Variants in GRK4 observed in about 807,000 individuals in gnomAD.
The protein encoded by GRK4 is G protein-coupled receptor kinase 2-like.
A neutral mutation model predicts 77.9 loss-of-function variants in GRK4; 73 were observed. The observed-to-expected ratio is 0.94, with a 90% CI of 0.78 to 1.14. The LOEUF is 1.14. Among genes scored for constraint, GRK4 ranks in the 50% most tolerant of loss-of-function variants. The probability of loss-of-function intolerance (pLI) is 0.00; values close to 1 mark genes in which losing one functional copy is unlikely to be tolerated. For synonymous variants in GRK4, 257 were observed against 254.4 expected, an observed-to-expected ratio of 1.01 and a Z score of -0.10; for missense variants, 729 against 700.2, an observed-to-expected ratio of 1.04 and a Z score of -0.46.
chr4:3,003,229 G>T (rs12512648), intron 4 of GRK4, among the ~76,000 whole-genome samples: 1 of 152,046 alleles, frequency 6.6e-6, no homozygotes, highest in Non-Finnish European at 1.5e-5. Flanking sequence ...TCGCTCTGTC[G>T]TCCAGGCTGG....
intron 3 of GRK4, among the ~76,000 whole-genome samples, chr4:2,991,712 A>G (rs934919540): frequency 2.0e-5 from 3 of 151,782 alleles, no homozygotes; most frequent in African/African-American, 7.3e-5. Flanking sequence ...GGTTTTCACT[A>G]TGTTGGCCAG....
At chr4:3,000,554 C>CTTTTT (rs775660909) in intron 4 of GRK4, among the ~76,000 whole-genome samples, 4 of 110,490 alleles carry the variant, frequency 3.6e-5, no homozygotes, top group Non-Finnish European at 5.6e-5. Flanking sequence ...TTTTTCTTTT[C>CTTTTT]TTTTCTTTTC....
intron 2 of GRK4, among the ~76,000 whole-genome samples, chr4:2,985,154 TGTAATCCCGGCACTTTGGGA>T (rs1203738407): frequency 2.0e-5 from 3 of 151,502 alleles, no homozygotes; most frequent in Non-Finnish European, 4.4e-5. Flanking sequence ...GGCTCACGCC[TGTAATCCCGGCACTTTGGGA>T]GGCCGAGGTG....
chr4:3,010,122 A>G (rs1218495549), intron 7 of GRK4, among the ~76,000 whole-genome samples: 1 of 152,220 alleles, frequency 6.6e-6, no homozygotes, highest in Non-Finnish European at 1.5e-5. Context: ...TTGGACACGT[A>G]TGTACCTCAT....
chr4:3,009,945 G>GT (rs960929306), intron 7 of GRK4, among the ~76,000 whole-genome samples: 11 of 152,192 alleles, frequency 7.2e-5, no homozygotes, highest in African/African-American at 2.7e-4. Flanking sequence ...GAAGAAGCTG[G>GT]TTTCCATGCT....
chr4:2,986,790 A>T (rs537159455), intron 2 of GRK4: 1 of 313,966 alleles, frequency 3.2e-6, no homozygotes, highest in East Asian at 9.9e-5. Flanking sequence ...TTACAAACCA[A>T]TCCATCTTTC....
Position 3,001,089 on chromosome 4 carries a change from A to ATATATATATATATATATATATATGTGTG in GRK4, c.340-3141_340-3140insATATATATATATATATATATATGTGTGT. On this transcript the variant is annotated intron_variant, in intron 4 of 15. Coordinates refer to ENST00000398052, the MANE Select transcript of GRK4 (RefSeq NM_182982.3). The stretch of plus-strand genomic sequence containing the variant: ...TAAATGAGACTATATATATATATAT[A>ATATATATATATATATATATATATGTGTG]TGTGTGTGTGTGTGTGTATATATAT... Among the ~76,000 whole-genome samples, 7 of 82,432 alleles carry ATATATATATATATATATATATATGTGTG rather than the reference A, an allele frequency of 8.5e-5. 2 individuals are homozygous for ATATATATATATATATATATATATGTGTG. Among genetic ancestry groups the ATATATATATATATATATATATATGTGTG allele is most frequent in the African/African-American group, 4.1e-4 (7 of 17,214 alleles). The allele number at this position is 82,432 out of a possible 152,430, so 54.1% of individuals were successfully genotyped here.
chr4:3,007,829 G>A lies in GRK4; in HGVS notation c.536+1G>A. The stretch of plus-strand genomic sequence containing the variant: ...TTTTACAATGGAAATGGCTGGAAAG[G>A]TATGTACTGATTTTAAACTTGATAA... On this transcript the variant is annotated splice_donor_variant, in intron 6 of 15. Coordinates refer to ENST00000398052, the MANE Select transcript of GRK4 (RefSeq NM_182982.3). LOFTEE classifies it high-confidence loss of function. 6.2e-7 allele frequency: 1 copy of A among 1,601,520 alleles called. No individual in the cohort carries two copies. The highest frequency in any genetic ancestry group is 2.2e-5 in the East Asian group (1 of 44,652).
chr4:2,996,252 G>A (rs1411873497), intron 4 of GRK4, among the ~76,000 whole-genome samples: 1 of 152,076 alleles, frequency 6.6e-6, no homozygotes, highest in African/African-American at 2.4e-5. Context: ...CATGAAGGTG[G>A]AACCTCTTAA....
chr4:3,010,210 G>T (rs1195666019), intron 7 of GRK4, among the ~76,000 whole-genome samples: 1 of 151,444 alleles, frequency 6.6e-6, no homozygotes, highest in Non-Finnish European at 1.5e-5. Flanking sequence ...CACGAGGGGT[G>T]TTTTTTTTGT....
intron 12 of GRK4, among the ~76,000 whole-genome samples, 192 bp from the exon 13 acceptor site, chr4:3,035,194 G>A (rs1034181513): frequency 5.9e-5 from 9 of 151,712 alleles, no homozygotes; most frequent in African/African-American, 1.2e-4. Context: ...GCAGTGAGCC[G>A]AGATCGCACC....
At chr4:2,971,793 G>A (rs771938027) in intron 1 of GRK4, among the ~76,000 whole-genome samples, 4 of 152,164 alleles carry the variant, frequency 2.6e-5, no homozygotes, top group Admixed American at 6.6e-5. Context: ...CTGCTGGCTC[G>A]CTGGCAGTCT....
chr4:3,015,383 G>C (rs1734134912), intron 8 of GRK4, among the ~76,000 whole-genome samples: 1 of 152,224 alleles, frequency 6.6e-6, no homozygotes, highest in South Asian at 2.1e-4. Flanking sequence ...GCCAGCATCT[G>C]AATTTAATAG....
chr4:2,985,984 CAAAAAAAAAAA>C (rs1181104072), intron 2 of GRK4, among the ~76,000 whole-genome samples: 1 of 91,698 alleles, frequency 1.1e-5, no homozygotes, highest in Non-Finnish European at 2.3e-5. Context: ...GACTCCGTCT[CAAAAAAAAAAA>C]AAAAAAAAAG....
intron 14 of GRK4, among the ~76,000 whole-genome samples, chr4:3,037,791 T>C (rs1346635532): frequency 1.3e-5 from 2 of 152,014 alleles, no homozygotes; most frequent in Non-Finnish European, 2.9e-5. Flanking sequence ...GGCAGGCACC[T>C]GTAGTCCCAG....
chr4:3,004,469 G>A lies in GRK4; in HGVS notation c.443+135G>A, dbSNP rs546849371. Reference sequence around the variant, plus strand: ...CTTGAACAACATGGGCATTAGGGACGCTGACACCACCCAACCTTCTGCGCA... The same window carrying A: ...CTTGAACAACATGGGCATTAGGGACACTGACACCACCCAACCTTCTGCGCA... On this transcript the variant is annotated intron_variant, in intron 5 of 15. Coordinates refer to ENST00000398052, the MANE Select transcript of GRK4 (RefSeq NM_182982.3). 3.0e-4 allele frequency: 165 copies of A among 554,188 alleles called. 1 individual carries two copies. The highest frequency in any genetic ancestry group is 3.1e-4 in the Middle Eastern group (1 of 3,246). The allele number at this position is 554,188 out of a possible 1,614,324, so 34.3% of individuals were successfully genotyped here.
rs149402470 is a variant in GRK4, at chr4:2,997,558, G to A, written c.339+5266G>A. 2.0e-3 allele frequency among the ~76,000 whole-genome samples: 297 copies of A among 152,240 alleles called. 1 individual carries two copies. Among genetic ancestry groups the A allele is most frequent in the African/African-American group, 6.8e-3 (281 of 41,532 alleles). Reference sequence around the variant, plus strand: ...AATAGAGAGAGAGAGACGTTTATGGGCTGCTCAGCCTGATAAATGATATCT... The same window carrying A: ...AATAGAGAGAGAGAGACGTTTATGGACTGCTCAGCCTGATAAATGATATCT... On this transcript the variant is annotated intron_variant, in intron 4 of 15. Coordinates refer to ENST00000398052, the MANE Select transcript of GRK4 (RefSeq NM_182982.3).
Position 3,035,434 on chromosome 4 carries a change from G to A in GRK4, c.1318G>A (p.Ala440Thr), listed in dbSNP as rs1221588091. 2 of 1,613,956 alleles carry A rather than the reference G, an allele frequency of 1.2e-6. No homozygotes were observed. The highest frequency in any genetic ancestry group is 1.7e-6 in the Non-Finnish European group (2 of 1,179,970). Residue 440 changes from alanine (A) to threonine (T), a missense_variant, in exon 13 of 16, where the codon GCG (alanine) becomes ACG (threonine). Physicochemically the swap from Ala to Thr is moderately conservative, Grantham distance 58. Coordinates refer to ENST00000398052, the MANE Select transcript of GRK4 (RefSeq NM_182982.3). ...SKRLGCRGEG[A>T]AGVKQHPVFK... The stretch of plus-strand genomic sequence containing the variant: ...GCGGCTGGGCTGCAGGGGCGAGGGA[G>A]CGGCTGGGGTGAAGCAGCACCCCGT...
intron 4 of GRK4, among the ~76,000 whole-genome samples, chr4:3,002,356 C>T (rs1456818367): frequency 2.0e-5 from 3 of 152,246 alleles, no homozygotes; most frequent in Middle Eastern, 3.4e-3. Flanking sequence ...GTAATCCTAG[C>T]ACTTTTGTAG....
Sources: allele counts gnomAD v4.1 joint callset (sites outside exome capture counted in the v4.1 genomes callset), GRCh38; gene constraint gnomAD v4.1.1; transcripts MANE v1.5; gene names NCBI Gene and HGNC (gene_info 2026-07-23, HGNC 2026-07-21).